Variants in DAB1 observed in about 807,000 individuals in gnomAD.
DAB1 encodes DAB adaptor protein 1, also known as disabled homolog 1.
A neutral mutation model predicts 64.6 loss-of-function variants in DAB1; 15 were observed. That is an observed-to-expected ratio of 0.23 (90% CI 0.16 to 0.36). The LOEUF (loss-of-function observed/expected upper bound fraction) is 0.36. Ranked by LOEUF, DAB1 falls within the 10% of genes least tolerant of loss-of-function variation. The pLI, the probability that DAB1 is intolerant of heterozygous loss-of-function variation, is 1.00. For missense variants in DAB1, 596 were observed against 706.7 expected (o/e 0.84, Z 1.78); for synonymous variants, 235 against 251.9 (o/e 0.93, Z 0.64).
At chr1:57,762,329 A>T (rs1322462781) in intron 6 of DAB1, among the ~76,000 whole-genome samples, 4 of 152,082 alleles carry the variant, frequency 2.6e-5, no homozygotes, top group Non-Finnish European at 1.5e-5. Context: ...TTCTCTGGAG[A>T]AAAGGGTATA....
intron 1 of DAB1, among the ~76,000 whole-genome samples, chr1:57,877,557 T>TA (rs1198842237): frequency 1.7e-5 from 1 of 58,188 alleles, no homozygotes; most frequent in African/African-American, 9.1e-5. Context: ...TTTTTTTTTT[T>TA]TTTTTTTTTT....
At chr1:57,667,380 C>G (rs1646460366) in intron 6 of DAB1, among the ~76,000 whole-genome samples, 1 of 152,118 alleles carries the variant, frequency 6.6e-6, no homozygotes, top group Admixed American at 6.5e-5. Context: ...CTGTCACCAT[C>G]TCTCCTCCTG....
At chr1:58,506,083 A>G (rs768039425) in exon 3 of DAB1, 1 of 871,518 alleles carries the variant, frequency 1.1e-6, no homozygotes, top group Non-Finnish European at 2.0e-6. Flanking sequence ...CTATCCAAGT[A>G]CTCAACTCGA....
At chr1:58,282,458 C>T (rs1187495949) in intron 4 of DAB1, among the ~76,000 whole-genome samples, 1 of 152,190 alleles carries the variant, frequency 6.6e-6, no homozygotes, top group Non-Finnish European at 1.5e-5. Context: ...TAGTGGGAAA[C>T]ATTCTTCCTA....
At chr1:57,673,393 T>C (rs1434435271) in intron 6 of DAB1, among the ~76,000 whole-genome samples, 3 of 152,216 alleles carry the variant, frequency 2.0e-5, no homozygotes, top group South Asian at 2.1e-4. Context: ...ACCATCACCA[T>C]TGCATACTTC....
At chr1:58,171,856 G>T (rs560768619) in intron 4 of DAB1, among the ~76,000 whole-genome samples, 1 of 152,310 alleles carries the variant, frequency 6.6e-6, no homozygotes, top group East Asian at 1.9e-4. Context: ...CTAATCAAGG[G>T]TACAAGGCAT....
chr1:57,591,152 C>T (rs541270168), intron 7 of DAB1, among the ~76,000 whole-genome samples: 78 of 152,294 alleles, frequency 5.1e-4, no homozygotes, highest in African/African-American at 1.8e-3. Context: ...CTGCCTAGTA[C>T]GCATTCCTGA....
intron 5 of DAB1, among the ~76,000 whole-genome samples, chr1:58,150,016 T>C (rs891822819): frequency 2.6e-5 from 4 of 152,236 alleles, no homozygotes; most frequent in Admixed American, 2.6e-4. Flanking sequence ...GAGCCAATGA[T>C]TACATTAGCT....
At chr1:57,088,823 T>G (rs1360378704) in intron 4 of DAB1, among the ~76,000 whole-genome samples, 1 of 152,238 alleles carries the variant, frequency 6.6e-6, no homozygotes, top group Non-Finnish European at 1.5e-5. Flanking sequence ...TGTGTTTATC[T>G]TTGACACCAC....
chr1:57,978,052 TG>T (rs2100330962), intron 5 of DAB1, among the ~76,000 whole-genome samples: 1 of 152,232 alleles, frequency 6.6e-6, no homozygotes, highest in South Asian at 2.1e-4. Context: ...TTCACAGAAT[TG>T]CAAAAAAATT....
At chr1:58,459,185 T>A (rs1355101303) in intron 3 of DAB1, among the ~76,000 whole-genome samples, 1 of 152,180 alleles carries the variant, frequency 6.6e-6, no homozygotes, top group Non-Finnish European at 1.5e-5. Context: ...GGGCTCAGGA[T>A]TTTGAGCATT....
intron 2 of DAB1, among the ~76,000 whole-genome samples, chr1:57,274,874 G>T (rs1000434115): frequency 3.7e-5 from 5 of 136,032 alleles, no homozygotes; most frequent in African/African-American, 1.5e-4. Flanking sequence ...GAGCCACCGC[G>T]CTCAGCCAAA....
At position 56,996,341 on chromosome 1, in the gene DAB1, T is replaced by A. The variant is rs1210286363; in HGVS notation, c.*1803A>T. The A allele has an allele frequency of 1.3e-5, 2 of 152,204 alleles. No individual in the cohort carries two copies. The highest frequency in any genetic ancestry group is 4.8e-5 in the African/African-American group (2 of 41,464). 9.4% of individuals were successfully genotyped at this position (152,204 alleles called of 1,614,324 possible). A position where few individuals can be genotyped will look rare whatever the true frequency, so the allele number is the denominator to read the frequency against. On this transcript the variant is annotated 3_prime_UTR_variant, in exon 15 of 15. Transcript: ENST00000371236. Reference sequence around the variant, plus strand: ...AGTTTTCTTCTTAGTGTTAAAACACTTTCAACATACTGTAACTGCATAGGA... The same window carrying A: ...AGTTTTCTTCTTAGTGTTAAAACACATTCAACATACTGTAACTGCATAGGA...
chr1:57,851,531 G>T (rs916924853), intron 1 of DAB1, among the ~76,000 whole-genome samples: 3 of 152,222 alleles, frequency 2.0e-5, no homozygotes, highest in African/African-American at 7.2e-5. Context: ...CTGCAGGGCT[G>T]CTGAGCAGAA....
intron 5 of DAB1, among the ~76,000 whole-genome samples, chr1:57,943,308 A>C (rs751448591): frequency 3.3e-5 from 5 of 152,224 alleles, no homozygotes; most frequent in Admixed American, 6.5e-5. Flanking sequence ...TTGCACACTC[A>C]ATTACGTGGT....
intron 5 of DAB1, among the ~76,000 whole-genome samples, chr1:57,980,515 A>G (rs1646039315): frequency 6.6e-6 from 1 of 152,138 alleles, no homozygotes; most frequent in Non-Finnish European, 1.5e-5. Context: ...GAAGCTTCTC[A>G]TTCTAATGCA....
intron 5 of DAB1, among the ~76,000 whole-genome samples, chr1:57,989,677 G>A (rs1646299723): frequency 1.3e-5 from 2 of 152,154 alleles, no homozygotes; most frequent in African/African-American, 4.8e-5. Context: ...ATGAACATCT[G>A]TAGCCCAAAC....
At chr1:57,418,264 A>G (rs986980004) in intron 1 of DAB1, among the ~76,000 whole-genome samples, 1 of 152,216 alleles carries the variant, frequency 6.6e-6, no homozygotes, top group African/African-American at 2.4e-5. Flanking sequence ...CAGCTTTTCA[A>G]TTATTTTCAG....
intron 7 of DAB1, among the ~76,000 whole-genome samples, chr1:57,595,230 A>T (rs1051922992): frequency 6.6e-6 from 1 of 151,642 alleles, no homozygotes; most frequent in Non-Finnish European, 1.5e-5. Flanking sequence ...AGATTCTAAA[A>T]TTTTTTTTAG....
Sources: allele counts gnomAD v4.1 joint callset (sites outside exome capture counted in the v4.1 genomes callset), GRCh38; gene constraint gnomAD v4.1.1; transcripts MANE v1.5; gene names NCBI Gene and HGNC (gene_info 2026-07-23, HGNC 2026-07-21).